Variants in SYN3 observed in about 807,000 individuals in gnomAD.
SYN3 encodes the protein synapsin-3.
In SYN3, 35 loss-of-function variants were observed where a neutral mutation model predicts 65.8. The ratio of observed to expected loss-of-function variants is 0.53; its 90% confidence interval spans 0.41 to 0.70. The LOEUF is 0.70. SYN3 is among the 30% of genes least tolerant of loss of function. The pLI, the probability that SYN3 is intolerant of heterozygous loss-of-function variation, is 0.00. For missense variants in SYN3, 680 were observed against 749.0 expected (o/e 0.91, Z 1.08); for synonymous variants, 270 against 292.9 (o/e 0.92, Z 0.80).
chr22:32,772,930 G>T (rs1317342963), intron 6 of SYN3, among the ~76,000 whole-genome samples: 1 of 152,220 alleles, frequency 6.6e-6, no homozygotes, highest in Non-Finnish European at 1.5e-5. Flanking sequence ...TTCCAATTCT[G>T]TAGTAGTTTG....
At chr22:32,924,222 C>A (rs566936577) in intron 4 of SYN3, among the ~76,000 whole-genome samples, 2 of 152,268 alleles carry the variant, frequency 1.3e-5, no homozygotes, top group African/African-American at 4.8e-5. Flanking sequence ...ATTGCTGGAT[C>A]AAATGGTACT....
chr22:32,663,307 C>CCCT (rs1555918917), intron 6 of SYN3, among the ~76,000 whole-genome samples: 5 of 142,568 alleles, frequency 3.5e-5, no homozygotes, highest in African/African-American at 1.3e-4. Context: ...CTTTTCTTCT[C>CCCT]TTTTTTTTTT....
chr22:32,603,709 A>C (rs2059321402), intron 6 of SYN3, among the ~76,000 whole-genome samples: 1 of 152,120 alleles, frequency 6.6e-6, no homozygotes. Flanking sequence ...AAACACAGAC[A>C]GGTCACAGAG....
rs773311394 is a variant in SYN3, at chr22:32,660,213, C to T, written c.712-63477G>A. 7.8e-3 allele frequency among the ~76,000 whole-genome samples: 1,184 copies of T among 152,290 alleles called. 8 individuals carry two copies. Among genetic ancestry groups the T allele is most frequent in the Admixed American group, 0.011 (164 of 15,304 alleles). ...TCTAAACTAGCTTTTCCTCCAAGTT[C>T]ACCTCCTTAAAGGGAGACAGCCAGC... On this transcript the variant is annotated intron_variant, in intron 6 of 13. Coordinates refer to ENST00000358763, the MANE Select transcript of SYN3 (RefSeq NM_003490.4).
In SYN3 at chr22:32,510,124, G is replaced by A. The variant is rs953229024; in HGVS notation, c.*3568C>T. On this transcript the variant is annotated 3_prime_UTR_variant, in exon 14 of 14. Coordinates refer to ENST00000358763, the MANE Select transcript of SYN3 (RefSeq NM_003490.4). Reference sequence around the variant, plus strand: ...GTGGTCATTGTTCACGGGGCCACTAGTTTCACTCACTAAAGGAGTGGGTTC... The same window carrying A: ...GTGGTCATTGTTCACGGGGCCACTAATTTCACTCACTAAAGGAGTGGGTTC... Among the ~76,000 whole-genome samples, 3 of 152,208 alleles carry A rather than the reference G, an allele frequency of 2.0e-5. No individual in the cohort carries two copies. The highest frequency in any genetic ancestry group is 7.2e-5 in the African/African-American group (3 of 41,440).
intron 1 of SYN3, among the ~76,000 whole-genome samples, chr22:33,011,247 T>C (rs1268305245): frequency 1.3e-5 from 2 of 152,190 alleles, no homozygotes; most frequent in African/African-American, 4.8e-5. Flanking sequence ...GGCAGTTCTC[T>C]TCTATTATTA....
In SYN3 at chr22:32,929,543, C is replaced by T. The variant is rs142719237; in HGVS notation, c.461+1847G>A. 6.0e-4 allele frequency among the ~76,000 whole-genome samples: 91 copies of T among 152,252 alleles called. No homozygotes were observed. In the East Asian group the frequency reaches 9.8e-3, roughly 16 times the overall value. ...TCATTTGAAGCCTAGCTTGAAAGTG[C>T]CTTCCTTTACATAGGATTTGCTTTT... On this transcript the variant is annotated intron_variant, in intron 4 of 13. Transcript: ENST00000358763.
At chr22:32,796,560 C>T (rs546462435) in intron 6 of SYN3, among the ~76,000 whole-genome samples, 10 of 152,296 alleles carry the variant, frequency 6.6e-5, no homozygotes, top group African/African-American at 2.4e-4. Flanking sequence ...CAGTACCTCG[C>T]ATCTTAGGCT....
chr22:32,614,280 G>A (rs571312188), intron 6 of SYN3, among the ~76,000 whole-genome samples: 12 of 152,310 alleles, frequency 7.9e-5, no homozygotes, highest in African/African-American at 2.2e-4. Flanking sequence ...ATGGGCTACC[G>A]GTGTGCCATG....
chr22:33,017,760 G>GTTT lies in SYN3; in HGVS notation c.-162-10939_-162-10937dup, dbSNP rs133958. On this transcript the variant is annotated intron_variant, in intron 1 of 13. Coordinates refer to ENST00000358763, the MANE Select transcript of SYN3 (RefSeq NM_003490.4). ...TGAATTTGTTTATCGGTTCTAACAG[G>GTTT]TTTTTTTTTTTTTGTAGAATCTTTA... 5.5e-5 allele frequency among the ~76,000 whole-genome samples: 8 copies of GTTT among 146,172 alleles called. No homozygotes were observed. In the South Asian group the frequency reaches 1.1e-3, roughly 20 times the overall value.
chr22:32,701,832 G>GGGGA (rs1489256446), intron 6 of SYN3, among the ~76,000 whole-genome samples: 2 of 151,906 alleles, frequency 1.3e-5, no homozygotes, highest in African/African-American at 4.8e-5. Context: ...GAAGAAGAGA[G>GGGGA]GGGAGTACAG....
intron 4 of SYN3, among the ~76,000 whole-genome samples, chr22:32,882,233 A>C (rs2146424141): frequency 6.6e-6 from 1 of 152,054 alleles, no homozygotes; most frequent in East Asian, 1.9e-4. Context: ...TTCCTTTCTG[A>C]CCACATCAGA....
chr22:32,838,672 T>A (rs764881484), intron 6 of SYN3, among the ~76,000 whole-genome samples: 8 of 152,114 alleles, frequency 5.3e-5, no homozygotes, highest in Non-Finnish European at 7.3e-5. Flanking sequence ...GATCACATTT[T>A]TACTTGTCCC....
intron 6 of SYN3, among the ~76,000 whole-genome samples, chr22:32,773,134 C>T (rs924983958): frequency 5.9e-5 from 9 of 152,214 alleles, no homozygotes; most frequent in South Asian, 2.1e-4. Context: ...CAGTGTCGGG[C>T]GTGGTGGCTC....
At chr22:32,818,166 G>A (rs2047138414) in intron 6 of SYN3, among the ~76,000 whole-genome samples, 1 of 152,210 alleles carries the variant, frequency 6.6e-6, no homozygotes, top group Admixed American at 6.5e-5. Flanking sequence ...TAATGGCACT[G>A]CCAGTTCAGT....
intron 6 of SYN3, among the ~76,000 whole-genome samples, chr22:32,805,254 A>G (rs1008577229): frequency 5.3e-5 from 8 of 152,158 alleles, no homozygotes; most frequent in African/African-American, 1.9e-4. Flanking sequence ...GCCGGCTGCC[A>G]GCCCCAGAGG....
At chr22:32,859,290 C>T (rs1252926319) in intron 6 of SYN3, 2 of 1,614,076 alleles carry the variant, frequency 1.2e-6, no homozygotes, top group East Asian at 2.2e-5. Context: ...AACACTACGC[C>T]TGCATCCGGC....
intron 4 of SYN3, among the ~76,000 whole-genome samples, chr22:32,923,923 T>C (rs28513904): frequency 0.23 from 35,018 of 151,842 alleles, 4,202 homozygotes; most frequent in South Asian, 0.43. Flanking sequence ...CTCCCACTTA[T>C]AAATGAGAAC....
intron 6 of SYN3, among the ~76,000 whole-genome samples, chr22:32,791,860 T>C (rs1202260508): frequency 6.6e-6 from 1 of 152,110 alleles, no homozygotes; most frequent in Non-Finnish European, 1.5e-5. Context: ...CTATAGGAAT[T>C]AGTTATGACT....
Sources: allele counts gnomAD v4.1 joint callset (sites outside exome capture counted in the v4.1 genomes callset), GRCh38; gene constraint gnomAD v4.1.1; transcripts MANE v1.5; gene names NCBI Gene and HGNC (gene_info 2026-07-23, HGNC 2026-07-21).